SUCLA2: variants seen among roughly 807,000 people sequenced by gnomAD.
SUCLA2 encodes succinate-CoA ligase ADP-forming subunit beta.
In SUCLA2, 30 loss-of-function variants were observed where a neutral mutation model predicts 54.8. That is an observed-to-expected ratio of 0.55 (90% CI 0.41 to 0.74). The LOEUF is 0.74. SUCLA2 is among the 30% of genes least tolerant of loss of function. The pLI, the probability that SUCLA2 is intolerant of heterozygous loss-of-function variation, is 0.00. For missense variants in SUCLA2, 476 were observed against 562.9 expected (o/e 0.85, Z 1.56); for synonymous variants, 172 against 188.9 (o/e 0.91, Z 0.74).
chr13:47,959,522 G>A (rs1219455731), intron 6 of SUCLA2, among the ~76,000 whole-genome samples: 2 of 148,730 alleles, frequency 1.3e-5, no homozygotes, highest in Non-Finnish European at 3.0e-5. Flanking sequence ...AGGAGGAGGA[G>A]GAGGAGGAGG....
At chr13:47,967,447 A>T (rs1483819854) in intron 6 of SUCLA2, among the ~76,000 whole-genome samples, 3 of 152,206 alleles carry the variant, frequency 2.0e-5, no homozygotes, top group Non-Finnish European at 4.4e-5. Flanking sequence ...AAAATAGAAC[A>T]TCTCTAACTA....
At chr13:47,979,475 C>T (rs972155785) in intron 4 of SUCLA2, among the ~76,000 whole-genome samples, 2 of 151,690 alleles carry the variant, frequency 1.3e-5, no homozygotes, top group African/African-American at 2.4e-5. Context: ...CATCACACAC[C>T]GGGGCCTGTC....
intron 6 of SUCLA2, among the ~76,000 whole-genome samples, chr13:47,958,416 G>A (rs1242627784): frequency 6.6e-6 from 1 of 152,148 alleles, no homozygotes; most frequent in African/African-American, 2.4e-5. Flanking sequence ...TATATGTTGT[G>A]TCTACCAAAT....
At chr13:47,963,700 G>C (rs950958455) in intron 6 of SUCLA2, among the ~76,000 whole-genome samples, 1 of 151,882 alleles carries the variant, frequency 6.6e-6, no homozygotes, top group South Asian at 2.1e-4. Context: ...TTTTATGTAC[G>C]TGTACAAACA....
intron 1 of SUCLA2, among the ~76,000 whole-genome samples, chr13:47,997,817 T>C (rs1950201895): frequency 1.3e-5 from 2 of 152,218 alleles, no homozygotes; most frequent in Admixed American, 6.5e-5. Context: ...ACAATCTGTT[T>C]CTTAAAGTAG....
At chr13:47,980,026 A>T (rs1287186183) in intron 4 of SUCLA2, among the ~76,000 whole-genome samples, 1 of 152,242 alleles carries the variant, frequency 6.6e-6, no homozygotes, top group Non-Finnish European at 1.5e-5. Flanking sequence ...AATTCCAGTT[A>T]AAATCAAAGA....
intron 6 of SUCLA2, among the ~76,000 whole-genome samples, chr13:47,962,777 T>G (rs759068977): frequency 4.6e-5 from 7 of 152,190 alleles, no homozygotes; most frequent in Non-Finnish European, 8.8e-5. Context: ...AAGGGAAGAC[T>G]GAAACTGACC....
At chr13:47,956,930 A>G (rs1016694479) in intron 6 of SUCLA2, 1 of 152,218 alleles carries the variant, frequency 6.6e-6, no homozygotes, top group African/African-American at 2.4e-5. Context: ...AAACCAACCC[A>G]ATAGTCCCAC....
At chr13:47,971,389 A>C (rs1476389796) in intron 5 of SUCLA2, 2 of 152,306 alleles carry the variant, frequency 1.3e-5, no homozygotes, top group African/African-American at 4.8e-5. Flanking sequence ...TGCACACTCC[A>C]CCCTGGGCGA....
chr13:47,966,856 T>A (rs944323335), intron 6 of SUCLA2, among the ~76,000 whole-genome samples: 1 of 151,896 alleles, frequency 6.6e-6, no homozygotes, highest in Non-Finnish European at 1.5e-5. Flanking sequence ...CTACAAAAAA[T>A]TTTAAAAAGA....
intron 6 of SUCLA2, among the ~76,000 whole-genome samples, chr13:47,965,859 T>C (rs578190909): frequency 6.6e-6 from 1 of 152,268 alleles, no homozygotes; most frequent in African/African-American, 2.4e-5. Context: ...CCATCCTGGC[T>C]AACATGGTGA....
Position 47,947,824 on chromosome 13 carries a change from G to A in SUCLA2, c.1317+1116C>T, listed in dbSNP as rs192180481. 6.6e-5 allele frequency among the ~76,000 whole-genome samples: 10 copies of A among 152,230 alleles called. No homozygotes were observed. The East Asian group carries it at 1.5e-3, about 24-fold the overall frequency. On this transcript the variant is annotated intron_variant, in intron 10 of 10. Coordinates refer to ENST00000646932, the MANE Select transcript of SUCLA2 (RefSeq NM_003850.3). ...ATGCAACCATTAAAATCCAGACTAT[G>A]AGAAACTTAACAAGACCATCAACCT...
intron 6 of SUCLA2, among the ~76,000 whole-genome samples, chr13:47,964,674 G>A (rs796920032): frequency 1.1e-4 from 16 of 152,146 alleles, no homozygotes; most frequent in Admixed American, 2.6e-4. Context: ...TGGCTAACAC[G>A]GTGAAACCCC....
rs144441199 is a variant in SUCLA2, at chr13:47,948,987, C to T, written c.1270G>A (p.Gly424Arg). ...DDAKALIADS[G>R]LKILACDDLD... ...TCATCACAAGCAAGTATTTTAAGTC[C>T]ACTGTCCGCTATCAGTGCCTTAGCA... The change falls in exon 10 of 11, where the codon GGA becomes AGA. Residue 424 changes from glycine to arginine, a missense_variant. Around this residue, in one of 2 missense-constraint regions of SUCLA2, gnomAD observed 342 missense variants for 444.2 expected, o/e 0.77. Coordinates refer to ENST00000646932, the MANE Select transcript of SUCLA2 (RefSeq NM_003850.3). 614 of 1,613,622 alleles carry T rather than the reference C, an allele frequency of 3.8e-4. No homozygotes were observed. Among genetic ancestry groups the T allele is most frequent in the Non-Finnish European group, 5.1e-4 (598 of 1,179,748 alleles).
At position 48,001,214 on chromosome 13, in the gene SUCLA2, T is replaced by A. The variant is rs1275840486; in HGVS notation, c.56A>T (p.His19Leu). ...RLVAVATLRNHRPRTAQRAAA... is the reference protein window; with the variant it reads ...RLVAVATLRNLRPRTAQRAAA... The stretch of plus-strand genomic sequence containing the variant: ...AGCCCGCTGGGCCGTCCGAGGCCGG[T>A]GGTTCCGAAGGGTGGCCACGGCCAC... The change falls in exon 1 of 11, where the codon CAC (histidine) becomes CTC (leucine). Residue 19 changes from histidine to leucine, a missense_variant. His to Leu is a moderately conservative substitution (Grantham distance 99, BLOSUM62 -3). Coordinates refer to ENST00000646932, the MANE Select transcript of SUCLA2 (RefSeq NM_003850.3). 6.2e-7 allele frequency: 1 copy of A among 1,609,290 alleles called. No individual in the cohort carries two copies. The highest frequency in any genetic ancestry group is 1.1e-5 in the South Asian group (1 of 90,306).
chr13:47,992,529 T>A (rs1323890712), intron 2 of SUCLA2, among the ~76,000 whole-genome samples: 1 of 152,182 alleles, frequency 6.6e-6, no homozygotes, highest in African/African-American at 2.4e-5. Context: ...ACTCAACAGG[T>A]TCATCTACAT....
chr13:48,000,078 A>G (rs957695256), intron 1 of SUCLA2, among the ~76,000 whole-genome samples: 1 of 151,892 alleles, frequency 6.6e-6, no homozygotes, highest in Non-Finnish European at 1.5e-5. Context: ...TCTATCGGGA[A>G]GCAAACTCAC....
Position 47,968,386 on chromosome 13 carries a change from T to C in SUCLA2, c.802+209A>G, listed in dbSNP as rs372174629. On this transcript the variant is annotated intron_variant, in intron 6 of 10. Coordinates refer to ENST00000646932, the MANE Select transcript of SUCLA2 (RefSeq NM_003850.3). ...GCACGTCTCTATAAGGTGTTTGTTT[T>C]ATTTTTTGTTTGTTTGTTTAATGGG... 6.1e-4 allele frequency among the ~76,000 whole-genome samples: 93 copies of C among 152,356 alleles called. 1 individual carries two copies. The South Asian group carries it at 0.015, about 24-fold the overall frequency.
At chr13:47,967,777 G>A (rs1351020986) in intron 6 of SUCLA2, among the ~76,000 whole-genome samples, 4 of 151,458 alleles carry the variant, frequency 2.6e-5, no homozygotes, top group East Asian at 1.9e-4. Context: ...CCAAGAGGTG[G>A]AGATGGCAGT....
Sources: gnomAD v4.1 joint callset for allele counts (sites outside exome capture counted in the v4.1 genomes callset) on GRCh38, gnomAD v4.1.1 for gene constraint, gnomAD v4.1.1 regional missense constraint, MANE v1.5 for transcripts, NCBI Gene and HGNC (gene_info 2026-07-23, HGNC 2026-07-21) for gene names.